The following GPBP1 variants were observed in gnomAD, a reference collection of about 807,000 sequenced individuals.
GPBP1 encodes the protein vasculin.
In GPBP1, 13 loss-of-function variants were observed where a neutral mutation model predicts 56.5. The observed-to-expected ratio is 0.23, with a 90% CI of 0.15 to 0.37. GPBP1 has a LOEUF of 0.37. Ranked by LOEUF, GPBP1 falls within the 10% of genes least tolerant of loss-of-function variation. The pLI is 1.00. For synonymous variants in GPBP1, 204 were observed against 188.9 expected, an observed-to-expected ratio of 1.08 and a Z score of -0.66; for missense variants, 477 against 572.3, an observed-to-expected ratio of 0.83 and a Z score of 1.70.
intron 2 of GPBP1, among the ~76,000 whole-genome samples, chr5:57,189,913 CTT>C (rs1754445403): frequency 6.6e-6 from 1 of 152,174 alleles, no homozygotes; most frequent in African/African-American, 2.4e-5. Flanking sequence ...TCAAACCTAA[CTT>C]TCTCTGAGAT....
Position 57,176,233 on chromosome 5 carries a change from G to A in GPBP1, c.-225G>A, listed in dbSNP as rs1177717629. ...ATAGCCATATGAAAACTTTAAAACAGAAGTATGGGTAGCTGACTTGAAGTA... is the reference window on the plus strand; with the variant it reads ...ATAGCCATATGAAAACTTTAAAACAAAAGTATGGGTAGCTGACTTGAAGTA... On this transcript the variant is annotated 5_prime_UTR_variant, in exon 2 of 12. Transcript: ENST00000506184. 2.6e-6 allele frequency: 1 copy of A among 384,330 alleles called. No individual in the cohort carries two copies. Among genetic ancestry groups the A allele is most frequent in the Non-Finnish European group, 4.6e-6 (1 of 217,944 alleles). The allele number at this position is 384,330 out of a possible 1,614,324, so 23.8% of individuals were successfully genotyped here.
At chr5:57,182,906 C>T (rs1754121587) in intron 2 of GPBP1, among the ~76,000 whole-genome samples, 1 of 152,172 alleles carries the variant, frequency 6.6e-6, no homozygotes, top group Non-Finnish European at 1.5e-5. Flanking sequence ...TAGTCTCGAA[C>T]TCCTAATCTC....
intron 5 of GPBP1, among the ~76,000 whole-genome samples, chr5:57,231,711 A>G (rs1756468678): frequency 6.6e-6 from 1 of 152,150 alleles, no homozygotes; most frequent in Non-Finnish European, 1.5e-5. Context: ...TAGAATTTGC[A>G]CTCTTTTTAT....
At chr5:57,223,827 GTTTAT>G (rs971469178) in intron 3 of GPBP1, among the ~76,000 whole-genome samples, 7 of 149,376 alleles carry the variant, frequency 4.7e-5, no homozygotes, top group East Asian at 2.0e-4. Context: ...ATATATATTT[GTTTAT>G]TTTATTTTAT....
In GPBP1 at chr5:57,230,581, A is replaced by C. The variant is rs376680470; in HGVS notation, c.64-265A>C. 6.9e-5 allele frequency: 28 copies of C among 407,780 alleles called. 1 individual carries two copies. The highest frequency in any genetic ancestry group is 3.0e-4 in the East Asian group (6 of 20,196). 25.3% of individuals were successfully genotyped at this position (407,780 alleles called of 1,614,324 possible). The stretch of plus-strand genomic sequence containing the variant: ...AACATCGTATTTTAACTTGTTTTCC[A>C]TACAGTGGCATTTTACCTTTATATT... On this transcript the variant is annotated intron_variant, in intron 3 of 11. Coordinates refer to ENST00000506184, the MANE Select transcript of GPBP1 (RefSeq NM_022913.4).
intron 3 of GPBP1, among the ~76,000 whole-genome samples, chr5:57,219,006 A>G (rs953360435): frequency 1.3e-5 from 2 of 152,160 alleles, no homozygotes; most frequent in Non-Finnish European, 1.5e-5. Context: ...TCCAGGATGT[A>G]TCTCCTATTC....
In GPBP1 at chr5:57,263,382, A is replaced by G. The variant is rs1741989649; in HGVS notation, c.*630A>G. ...TTGTAGTGCAGTAAATGTTACAGGA[A>G]AAGACTTGGCACATTTTCTTCCAAA... On this transcript the variant is annotated 3_prime_UTR_variant, in exon 12 of 12. Coordinates refer to ENST00000506184, the MANE Select transcript of GPBP1 (RefSeq NM_022913.4). 1 of 152,224 alleles carries G rather than the reference A, an allele frequency of 6.6e-6. No individual in the cohort carries two copies. The highest frequency in any genetic ancestry group is 1.5e-5 in the Non-Finnish European group (1 of 68,034). The allele number at this position is 152,224 out of a possible 1,614,324, so 9.4% of individuals were successfully genotyped here.
chr5:57,198,651 C>T (rs1386926726), intron 2 of GPBP1, among the ~76,000 whole-genome samples: 3 of 151,684 alleles, frequency 2.0e-5, no homozygotes, highest in Admixed American at 6.6e-5. Context: ...GAGTTCGAGA[C>T]GAGCCTGGCC....
chr5:57,219,010 C>T (rs559946577), intron 3 of GPBP1, among the ~76,000 whole-genome samples: 1 of 152,184 alleles, frequency 6.6e-6, no homozygotes, highest in Non-Finnish European at 1.5e-5. Context: ...GGATGTATCT[C>T]CTATTCTGTG....
At chr5:57,213,966 A>C (rs1755600771) in intron 2 of GPBP1, 108 bp from the exon 3 acceptor site, 2 of 563,270 alleles carry the variant, frequency 3.6e-6, no homozygotes, top group South Asian at 4.7e-5. Flanking sequence ...CTAGATTTTC[A>C]TTATAAATAG....
chr5:57,194,200 T>C (rs988463468), intron 2 of GPBP1, among the ~76,000 whole-genome samples: 6 of 152,232 alleles, frequency 3.9e-5, no homozygotes, highest in Admixed American at 1.3e-4. Context: ...TTGTTTCTTT[T>C]TTGCTATTAT....
chr5:57,242,858 T>C (rs1264847899), intron 6 of GPBP1, among the ~76,000 whole-genome samples: 1 of 151,596 alleles, frequency 6.6e-6, no homozygotes, highest in East Asian at 1.9e-4. Flanking sequence ...CAAGTGATTC[T>C]TCTGCCTCGG....
chr5:57,214,241 T>TG, intron 3 of GPBP1, 48 bp downstream of exon 3: 1 of 1,404,408 alleles, frequency 7.1e-7, no homozygotes, highest in Non-Finnish European at 1.0e-6. Context: ...TGCATTCATT[T>TG]TTTACACAAA....
intron 9 of GPBP1, 127 bp from the exon 10 acceptor site, chr5:57,250,827 G>C: frequency 1.6e-6 from 1 of 638,052 alleles, no homozygotes; most frequent in East Asian, 3.1e-5. Context: ...TTACAGGGGT[G>C]AGCCACTGCG....
intron 2 of GPBP1, among the ~76,000 whole-genome samples, chr5:57,191,521 T>C (rs775605462): frequency 6.6e-6 from 1 of 151,768 alleles, no homozygotes; most frequent in Admixed American, 6.6e-5. Flanking sequence ...TAATTTTTGC[T>C]CTCAGGTTCA....
At chr5:57,187,038 G>GTA (rs1348156320) in intron 2 of GPBP1, among the ~76,000 whole-genome samples, 17 of 144,160 alleles carry the variant, frequency 1.2e-4, no homozygotes, top group African/African-American at 4.1e-4. Context: ...GTGTGTGTGT[G>GTA]TATGTATGTT....
At chr5:57,226,071 A>G (rs1352885916) in intron 3 of GPBP1, among the ~76,000 whole-genome samples, 2 of 152,214 alleles carry the variant, frequency 1.3e-5, no homozygotes, top group Admixed American at 6.5e-5. Flanking sequence ...CAGATCTTGG[A>G]GTGACCTGTG....
intron 6 of GPBP1, among the ~76,000 whole-genome samples, chr5:57,240,859 A>G (rs552633014): frequency 1.2e-4 from 19 of 152,018 alleles, no homozygotes; most frequent in African/African-American, 4.6e-4. Flanking sequence ...CTGTAATTCC[A>G]GCTACTCGGG....
intron 2 of GPBP1, among the ~76,000 whole-genome samples, chr5:57,177,286 C>T (rs1753825515): frequency 6.6e-6 from 1 of 151,684 alleles, no homozygotes; most frequent in African/African-American, 2.4e-5. Flanking sequence ...TTTTAGTTAC[C>T]GTTAGTTACT....
Sources: allele counts gnomAD v4.1 joint callset (sites outside exome capture counted in the v4.1 genomes callset), GRCh38; gene constraint gnomAD v4.1.1; transcripts MANE v1.5; gene names NCBI Gene and HGNC (gene_info 2026-07-23, HGNC 2026-07-21).